Variants in TCF4 observed in about 807,000 individuals in gnomAD.
TCF4 encodes SL3-3 enhancer factor 2.
Under a neutral mutation model 82.1 loss-of-function variants are expected in TCF4, and 3 were observed. The ratio of observed to expected loss-of-function variants is 0.04; its 90% CI spans 0.02 to 0.09. The LOEUF is 0.09. Ranked by LOEUF, TCF4 falls within the 10% of genes least tolerant of loss-of-function variation. The pLI, the probability that TCF4 is intolerant of heterozygous loss-of-function variation, is 1.00. For missense variants in TCF4, 518 were observed against 852.7 expected (o/e 0.61, Z 4.89); for synonymous variants, 276 against 309.6 (o/e 0.89, Z 1.14).
At chr18:55,498,940 T>G (rs2096667105) in intron 3 of TCF4, among the ~76,000 whole-genome samples, 1 of 152,196 alleles carries the variant, frequency 6.6e-6, no homozygotes, top group African/African-American at 2.4e-5. Context: ...AAGTAGAGTT[T>G]TCATGTACCA....
intron 5 of TCF4, among the ~76,000 whole-genome samples, chr18:55,427,524 C>T (rs2095038775): frequency 1.3e-5 from 2 of 152,116 alleles, no homozygotes; most frequent in South Asian, 4.1e-4. Flanking sequence ...AAACATCATC[C>T]CTGTTTCCAA....
intron 3 of TCF4, among the ~76,000 whole-genome samples, chr18:55,480,296 A>AAAAAAAG (rs1568175293): frequency 1.6e-5 from 1 of 63,356 alleles, no homozygotes; most frequent in African/African-American, 6.0e-5. Context: ...AAAAAAAAAA[A>AAAAAAAG]GCGGGGGGGC....
At chr18:55,459,433 G>A (rs1360457396) in intron 5 of TCF4, among the ~76,000 whole-genome samples, 11 of 152,086 alleles carry the variant, frequency 7.2e-5, no homozygotes, top group South Asian at 2.1e-4. Context: ...TAACATAAGC[G>A]TCTCCCTATG....
At chr18:55,288,645 G>T (rs556066367) in intron 8 of TCF4, among the ~76,000 whole-genome samples, 1 of 152,182 alleles carries the variant, frequency 6.6e-6, no homozygotes, top group Non-Finnish European at 1.5e-5. Flanking sequence ...TGTTTTGCCC[G>T]TAGAGAAGAA....
intron 3 of TCF4, among the ~76,000 whole-genome samples, chr18:55,465,745 C>A (rs1444293300): frequency 3.2e-4 from 49 of 152,102 alleles, no homozygotes; most frequent in Non-Finnish European, 2.9e-5. Flanking sequence ...TAAACAAAAA[C>A]CAAATATTTT....
At chr18:55,539,552 C>T (rs770801500) in intron 3 of TCF4, among the ~76,000 whole-genome samples, 9 of 152,148 alleles carry the variant, frequency 5.9e-5, no homozygotes, top group Middle Eastern at 3.4e-3. Flanking sequence ...GCACAAACTT[C>T]CAAAGGAGAC....
intron 4 of TCF4, among the ~76,000 whole-genome samples, chr18:55,463,627 T>C (rs1275374229): frequency 1.3e-5 from 2 of 152,212 alleles, no homozygotes; most frequent in Non-Finnish European, 1.5e-5. Flanking sequence ...ACTGGTAGGA[T>C]AGAACTTCAT....
intron 2 of TCF4, among the ~76,000 whole-genome samples, chr18:55,598,721 A>G (rs1332079630): frequency 2.0e-5 from 3 of 152,282 alleles, no homozygotes; most frequent in Non-Finnish European, 2.9e-5. Flanking sequence ...CAGAAAAGCC[A>G]TCAGGGTTGC....
chr18:55,618,484 CT>C (rs1255403083), intron 2 of TCF4, among the ~76,000 whole-genome samples: 3 of 151,770 alleles, frequency 2.0e-5, no homozygotes, highest in Non-Finnish European at 2.9e-5. Flanking sequence ...AGTTTTCTCT[CT>C]TTTTTGTTAG....
At chr18:55,464,022 C>A in intron 4 of TCF4, 54 bp downstream of exon 4, 2 of 1,510,620 alleles carry the variant, frequency 1.3e-6, no homozygotes, top group Non-Finnish European at 1.8e-6. Flanking sequence ...TTCTGTTTGT[C>A]AATTTACATA....
chr18:55,251,417 A>G (rs1291712428), intron 15 of TCF4, among the ~76,000 whole-genome samples: 3 of 152,210 alleles, frequency 2.0e-5, no homozygotes, highest in Admixed American at 6.5e-5. Context: ...TCAAAAGCTA[A>G]GGACAATATG....
rs192850080 is a variant in TCF4, at chr18:55,224,766, A to T, written c.*3269T>A. The stretch of plus-strand genomic sequence containing the variant: ...ATTAGTGTTCCTTGCAGCTACACAG[A>T]AGACAAATGGTAAAAATTTCTAGAT... On this transcript the variant is annotated 3_prime_UTR_variant, in exon 20 of 20. Coordinates refer to ENST00000354452, the MANE Select transcript of TCF4 (RefSeq NM_001083962.2). 267 of 152,700 alleles carry T rather than the reference A, an allele frequency of 1.7e-3. No individual in the cohort carries two copies. The highest frequency in any genetic ancestry group is 3.7e-3 in the Admixed American group (57 of 15,286). 9.5% of individuals were successfully genotyped at this position (152,700 alleles called of 1,614,324 possible).
intron 5 of TCF4, among the ~76,000 whole-genome samples, chr18:55,451,016 C>T (rs1028254256): frequency 1.6e-4 from 24 of 152,166 alleles, no homozygotes; most frequent in Non-Finnish European, 2.6e-4. Context: ...CAGCTGTCCC[C>T]AAAGAGGTAC....
chr18:55,401,407 G>A (rs1257319811), intron 6 of TCF4: 12 of 1,074,992 alleles, frequency 1.1e-5, no homozygotes, highest in African/African-American at 1.7e-5. Flanking sequence ...CACACTCCAC[G>A]GCTACATTAC....
Position 55,461,086 on chromosome 18 carries a change from G to A in TCF4, c.237C>T (p.His79=), listed in dbSNP as rs1330271200. The A allele has an allele frequency of 6.2e-7, 1 of 1,613,190 alleles. No individual in the cohort carries two copies. Among genetic ancestry groups the A allele is most frequent in the Non-Finnish European group, 8.5e-7 (1 of 1,179,500 alleles). ...RNYGDGTPYD[H]MTSRDLGSHD... ...GTGACCCAAGGTCCCTGCTGGTCAT[G>A]TGGTCATAGGGAGTCCCATCTCCAT... Residue 79 remains histidine (H), a synonymous_variant, in exon 5 of 20, where the codon CAC becomes CAT. Coordinates refer to ENST00000354452, the MANE Select transcript of TCF4 (RefSeq NM_001083962.2).
intron 6 of TCF4, among the ~76,000 whole-genome samples, chr18:55,380,888 G>A (rs540756528): frequency 4.9e-4 from 75 of 152,294 alleles, no homozygotes; most frequent in South Asian, 1.0e-3. Context: ...GGAAAGTAGC[G>A]TTTCAGAGCT....
At chr18:55,599,533 C>T (rs1206023542) in intron 2 of TCF4, among the ~76,000 whole-genome samples, 1 of 152,134 alleles carries the variant, frequency 6.6e-6, no homozygotes, top group Non-Finnish European at 1.5e-5. Context: ...CCAGCCTGGC[C>T]AACATGGTGA....
At chr18:55,446,005 C>A (rs2095518596) in intron 5 of TCF4, among the ~76,000 whole-genome samples, 1 of 152,136 alleles carries the variant, frequency 6.6e-6, no homozygotes, top group African/African-American at 2.4e-5. Context: ...TAGATGTCTG[C>A]TAGAGGTTTA....
chr18:55,615,206 A>C (rs1050208902), intron 2 of TCF4, among the ~76,000 whole-genome samples: 1 of 152,172 alleles, frequency 6.6e-6, no homozygotes, highest in African/African-American at 2.4e-5. Flanking sequence ...TTGATGAATG[A>C]ACAGGCTATA....
Sources: allele counts gnomAD v4.1 joint callset (sites outside exome capture counted in the v4.1 genomes callset), GRCh38; gene constraint gnomAD v4.1.1; transcripts MANE v1.5; gene names NCBI Gene and HGNC (gene_info 2026-07-23, HGNC 2026-07-21).